DCAF12: variants seen among roughly 807,000 people sequenced by gnomAD.
DCAF12 encodes DDB1- and CUL4-associated factor 12.
A neutral mutation model predicts 52.8 loss-of-function variants in DCAF12; 28 were observed. The ratio of observed to expected loss-of-function variants is 0.53; its 90% CI spans 0.39 to 0.73. The LOEUF is 0.73. Among genes scored for constraint, DCAF12 ranks in the 30% least tolerant of loss-of-function variants. The pLI is 0.00. For synonymous variants in DCAF12, 196 were observed against 215.5 expected (o/e 0.91, Z 0.79); for missense variants, 425 against 552.2 (o/e 0.77, Z 2.31).
intron 2 of DCAF12, among the ~76,000 whole-genome samples, chr9:34,124,742 T>A (rs1454487106): frequency 6.6e-6 from 1 of 152,082 alleles, no homozygotes; most frequent in East Asian, 1.9e-4. Context: ...CATAAAAATA[T>A]GAGGCAAAAA....
In DCAF12 at chr9:34,109,893, G is replaced by A. The variant is rs115473790; in HGVS notation, c.334-2328C>T. On this transcript the variant is annotated intron_variant, in intron 2 of 8. Coordinates refer to ENST00000361264, the MANE Select transcript of DCAF12 (RefSeq NM_015397.4). ...AAAAGGTCTCGTCTGTGTTTTCTGTGAGCTGGTGGACGGAGAGGGTGACAT... is the reference window on the plus strand; with the variant it reads ...AAAAGGTCTCGTCTGTGTTTTCTGTAAGCTGGTGGACGGAGAGGGTGACAT... 1.8e-3 allele frequency: 437 copies of A among 246,538 alleles called. 2 individuals carry two copies. The highest frequency in any genetic ancestry group is 9.4e-3 in the African/African-American group (415 of 43,956). The allele number at this position is 246,538 out of a possible 1,614,324, so 15.3% of individuals were successfully genotyped here.
intron 2 of DCAF12, among the ~76,000 whole-genome samples, chr9:34,122,327 T>C (rs1051320797): frequency 7.9e-5 from 12 of 152,184 alleles, no homozygotes; most frequent in African/African-American, 2.4e-4. Context: ...TAATTCCTTC[T>C]ACATAAATGA....
At chr9:34,125,982 A>C (rs781260468) in intron 1 of DCAF12, among the ~76,000 whole-genome samples, 19 of 152,100 alleles carry the variant, frequency 1.2e-4, no homozygotes, top group Non-Finnish European at 2.4e-4. Flanking sequence ...GGAGGGACGC[A>C]ATCATCCCAG....
intron 6 of DCAF12, chr9:34,096,373 G>C: frequency 4.2e-6 from 1 of 238,012 alleles, no homozygotes; most frequent in Non-Finnish European, 8.4e-6. Flanking sequence ...GTGAGACCCT[G>C]TATTTATTGT....
chr9:34,114,633 T>C (rs942641775), intron 2 of DCAF12, among the ~76,000 whole-genome samples: 7 of 152,122 alleles, frequency 4.6e-5, no homozygotes, highest in African/African-American at 1.7e-4. Context: ...ATTAACCTAC[T>C]GGGATCCCTG....
At chr9:34,089,010 G>A (rs1385415849) in intron 8 of DCAF12, among the ~76,000 whole-genome samples, 1 of 151,340 alleles carries the variant, frequency 6.6e-6, no homozygotes, top group Non-Finnish European at 1.5e-5. Context: ...TTGGGAGGCT[G>A]AGGCAGGAGG....
At chr9:34,104,726 G>A (rs1478196609) in intron 4 of DCAF12, among the ~76,000 whole-genome samples, 3 of 152,124 alleles carry the variant, frequency 2.0e-5, no homozygotes, top group East Asian at 1.9e-4. Flanking sequence ...GACCAGCCTG[G>A]CCAACATGGC....
At chr9:34,109,185 C>T (rs1199349419) in intron 2 of DCAF12, 1 of 153,326 alleles carries the variant, frequency 6.5e-6, no homozygotes, top group East Asian at 1.9e-4. Flanking sequence ...GCCACCTCCT[C>T]ATAGGCCCAC....
chr9:34,098,439 G>A lies in DCAF12; in HGVS notation c.680C>T (p.Ser227Leu), dbSNP rs1186969487. Residue 227 changes from serine (S) to leucine (L), a missense_variant, in exon 5 of 9, where the codon TCA becomes TTA. Physicochemically the swap from Ser to Leu is moderately radical, Grantham distance 145. Around this residue, in one of 3 missense-constraint regions of DCAF12, gnomAD observed 328 missense variants for 444.4 expected, o/e 0.74. Transcript: ENST00000361264. ...LTKSDARHNV[S>L]RVPVYAHITH... The stretch of plus-strand genomic sequence containing the variant: ...GATGTGTGCATACACAGGGACCCGT[G>A]ACACATTGTGTCTCGCATCACTTTT... The A allele has an allele frequency of 6.2e-7, 1 of 1,614,082 alleles. No individual in the cohort carries two copies. Among genetic ancestry groups the A allele is most frequent in the East Asian group, 2.2e-5 (1 of 44,902 alleles).
chr9:34,107,211 G>T, intron 3 of DCAF12, 148 bp downstream of exon 3: 1 of 723,072 alleles, frequency 1.4e-6, no homozygotes, highest in Non-Finnish European at 2.4e-6. Flanking sequence ...CCCCTGAGGT[G>T]TGCTGCTTGC....
chr9:34,116,941 T>C (rs547743693), intron 2 of DCAF12, among the ~76,000 whole-genome samples: 1 of 152,288 alleles, frequency 6.6e-6, no homozygotes, highest in South Asian at 2.1e-4. Flanking sequence ...ATCGTGCCCC[T>C]ACACTCCAGC....
chr9:34,098,401 A>C lies in DCAF12; in HGVS notation c.718T>G (p.Leu240Val). The change falls in exon 5 of 9, where the codon TTA becomes GTA. Residue 240 changes from leucine to valine, a missense_variant. Leu to Val is a conservative substitution (Grantham distance 32). This residue lies in a region of DCAF12 where 328 missense variants were observed against 444.4 expected (regional missense o/e 0.74). Transcript: ENST00000361264. ...PVYAHITHKALKDIPKEDTNP... is the reference protein window; with the variant it reads ...PVYAHITHKAVKDIPKEDTNP... ...GTGTCTTCTTTGGGGATGTCCTTTAAGGCCTTGTGAGTGATGTGTGCATAC... is the reference window on the plus strand; with the variant it reads ...GTGTCTTCTTTGGGGATGTCCTTTACGGCCTTGTGAGTGATGTGTGCATAC... 1 of 1,614,240 alleles carries C rather than the reference A, an allele frequency of 6.2e-7. No homozygotes were observed. Among genetic ancestry groups the C allele is most frequent in the African/African-American group, 1.3e-5 (1 of 75,062 alleles).
intron 4 of DCAF12, among the ~76,000 whole-genome samples, chr9:34,104,734 G>A (rs1828878538): frequency 6.6e-6 from 1 of 152,048 alleles, no homozygotes; most frequent in Admixed American, 6.6e-5. Context: ...TGGCCAACAT[G>A]GCAAAACCCC....
intron 6 of DCAF12, among the ~76,000 whole-genome samples, chr9:34,095,551 C>T (rs898107819): frequency 6.6e-6 from 1 of 151,654 alleles, no homozygotes; most frequent in Non-Finnish European, 1.5e-5. Flanking sequence ...CAATGTATGG[C>T]TAATTTTTAA....
intron 6 of DCAF12, chr9:34,095,777 A>G (rs1366782632): frequency 6.6e-6 from 1 of 152,082 alleles, no homozygotes; most frequent in African/African-American, 2.4e-5. Flanking sequence ...TATTTCAGAG[A>G]TGGTTTATCT....
intron 7 of DCAF12, among the ~76,000 whole-genome samples, chr9:34,091,661 A>AAAAC (rs1554698965): frequency 2.2e-4 from 33 of 148,452 alleles, no homozygotes; most frequent in African/African-American, 7.9e-4. Flanking sequence ...AAAAAAAAAA[A>AAAAC]CCACAAAAAA....
chr9:34,116,353 T>A (rs1180704135), intron 2 of DCAF12, among the ~76,000 whole-genome samples: 1 of 150,846 alleles, frequency 6.6e-6, no homozygotes, highest in Admixed American at 6.6e-5. Context: ...GTCTCAAAAA[T>A]AAATAAATAA....
intron 7 of DCAF12, 62 bp downstream of exon 7, chr9:34,093,224 C>T: frequency 6.3e-7 from 1 of 1,592,664 alleles, no homozygotes; most frequent in South Asian, 1.1e-5. Flanking sequence ...AACAAAGAAA[C>T]TGAAAGTCAG....
chr9:34,102,585 G>A (rs1206049778), intron 4 of DCAF12, among the ~76,000 whole-genome samples: 1 of 151,114 alleles, frequency 6.6e-6, no homozygotes, highest in Non-Finnish European at 1.5e-5. Flanking sequence ...CCCAGGAGAC[G>A]GAGGTTGCAG....
Sources: allele counts gnomAD v4.1 joint callset (sites outside exome capture counted in the v4.1 genomes callset), GRCh38; gene constraint gnomAD v4.1.1; regional missense constraint gnomAD v4.1.1; transcripts MANE v1.5; gene names NCBI Gene and HGNC (gene_info 2026-07-23, HGNC 2026-07-21).